The following PPP2R2C variants were observed in gnomAD, a reference collection of about 807,000 sequenced individuals.
PPP2R2C encodes the protein protein phosphatase 2 regulatory subunit Bgamma, also known as protein phosphatase 2, regulatory subunit B, gamma.
A neutral mutation model predicts 45.3 loss-of-function variants in PPP2R2C; 10 were observed. That is an observed-to-expected ratio of 0.22 (90% confidence interval 0.14 to 0.37). The LOEUF is 0.37. PPP2R2C is among the 10% of genes least tolerant of loss of function. The pLI is 1.00. For synonymous variants in PPP2R2C, 257 were observed against 245.4 expected (o/e 1.05, Z -0.44); for missense variants, 308 against 619.7 (o/e 0.50, Z 5.34).
intron 5 of PPP2R2C, among the ~76,000 whole-genome samples, chr4:6,352,238 C>T (rs1003250157): frequency 1.3e-5 from 2 of 152,036 alleles, no homozygotes; most frequent in African/African-American, 4.8e-5. Context: ...TCACTCGGGG[C>T]CCCCGGCTGG....
intron 1 of PPP2R2C, among the ~76,000 whole-genome samples, chr4:6,540,269 T>C (rs1724766610): frequency 1.3e-5 from 2 of 152,234 alleles, no homozygotes; most frequent in Admixed American, 1.3e-4. Context: ...TTTGTCTCTA[T>C]GAATTTTCTG....
intron 1 of PPP2R2C, among the ~76,000 whole-genome samples, chr4:6,420,682 C>G (rs916793887): frequency 6.6e-6 from 1 of 152,154 alleles, no homozygotes; most frequent in Non-Finnish European, 1.5e-5. Context: ...GGTCCTCCAA[C>G]TAACTCAACA....
intron 1 of PPP2R2C, among the ~76,000 whole-genome samples, chr4:6,390,077 A>C (rs1716495318): frequency 6.6e-6 from 1 of 152,188 alleles, no homozygotes; most frequent in Admixed American, 6.5e-5. Flanking sequence ...GACTCACAGC[A>C]AAAGGGTCTG....
intron 1 of PPP2R2C, among the ~76,000 whole-genome samples, chr4:6,561,906 G>C (rs1029104342): frequency 1.3e-5 from 2 of 152,186 alleles, no homozygotes; most frequent in Non-Finnish European, 2.9e-5. Flanking sequence ...ACTCACTCAC[G>C]CACTCACTAA....
Position 6,326,371 on chromosome 4 carries a change from T to C in PPP2R2C, c.1053-2778A>G, listed in dbSNP as rs932212072. 2.0e-5 allele frequency among the ~76,000 whole-genome samples: 3 copies of C among 152,118 alleles called. No individual in the cohort carries two copies. The East Asian group carries it at 5.8e-4, about 29-fold the overall frequency. On this transcript the variant is annotated intron_variant, in intron 8 of 8. Coordinates refer to ENST00000382599, the MANE Select transcript of PPP2R2C (RefSeq NM_020416.4). Reference sequence around the variant, plus strand: ...CTGGGGGAGCCTTGCCCAGGACTCCTCAGAGCAAGTGTAGGTGTGTTTGAC... The same window carrying C: ...CTGGGGGAGCCTTGCCCAGGACTCCCCAGAGCAAGTGTAGGTGTGTTTGAC...
intron 5 of PPP2R2C, among the ~76,000 whole-genome samples, chr4:6,356,558 C>T (rs368837689): frequency 6.6e-6 from 1 of 152,222 alleles, no homozygotes; most frequent in Non-Finnish European, 1.5e-5. Flanking sequence ...AGTTTCTGAA[C>T]CTCTCTGTGC....
intron 1 of PPP2R2C, among the ~76,000 whole-genome samples, chr4:6,420,744 T>C (rs987109846): frequency 6.6e-6 from 1 of 152,124 alleles, no homozygotes; most frequent in Non-Finnish European, 1.5e-5. Context: ...GAGGACTGGT[T>C]AAACATGAGA....
chr4:6,536,935 G>A (rs1277449509), intron 1 of PPP2R2C, among the ~76,000 whole-genome samples: 1 of 152,210 alleles, frequency 6.6e-6, no homozygotes, highest in Non-Finnish European at 1.5e-5. Context: ...AGGTGAGGTG[G>A]CTCACACCTG....
chr4:6,369,681 T>G (rs981647752), intron 5 of PPP2R2C, among the ~76,000 whole-genome samples: 1 of 152,282 alleles, frequency 6.6e-6, no homozygotes, highest in South Asian at 2.1e-4. Context: ...TGCACACCCA[T>G]GCCCTCAGGC....
At chr4:6,457,037 C>A (rs2108753158) in intron 1 of PPP2R2C, among the ~76,000 whole-genome samples, 1 of 152,038 alleles carries the variant, frequency 6.6e-6, no homozygotes, top group Admixed American at 6.5e-5. Context: ...GTTGAAATTC[C>A]GTCTCTACTA....
intron 2 of PPP2R2C, among the ~76,000 whole-genome samples, chr4:6,511,651 G>T (rs1317963422): frequency 2.4e-5 from 2 of 84,952 alleles, no homozygotes; most frequent in Admixed American, 1.2e-4. Flanking sequence ...GATGGTGGTG[G>T]TGATGGTGGT....
intron 2 of PPP2R2C, among the ~76,000 whole-genome samples, chr4:6,511,420 A>ATGGTGGTGGTGACGGTGG: frequency 1.2e-5 from 1 of 82,026 alleles, no homozygotes. Flanking sequence ...GGTGACAGTG[A>ATGGTGGTGGTGACGGTGG]TGGTGGTGAT....
At chr4:6,379,899 G>A (rs982928953) in intron 2 of PPP2R2C, 2 of 152,286 alleles carry the variant, frequency 1.3e-5, no homozygotes, top group Admixed American at 1.3e-4. Context: ...ATGCTCAGGA[G>A]TGAATCGGGG....
chr4:6,492,759 A>G (rs1219246854), intron 2 of PPP2R2C, among the ~76,000 whole-genome samples: 1 of 152,210 alleles, frequency 6.6e-6, no homozygotes, highest in East Asian at 1.9e-4. Flanking sequence ...GAGACACCAC[A>G]GAGAGGAGAC....
chr4:6,536,466 A>G lies in PPP2R2C; in HGVS notation c.-58-1089T>C, dbSNP rs144154817. Among the ~76,000 whole-genome samples, 615 of 152,390 alleles carry G rather than the reference A, an allele frequency of 4.0e-3. 2 individuals carry two copies. Among genetic ancestry groups the G allele is most frequent in the Middle Eastern group, 0.017 (5 of 294 alleles). On this transcript the variant is annotated intron_variant, in intron 1 of 9. Transcript: ENST00000506140. ...AAAAAGAAATAATTATTTAATCCAC[A>G]TAAGAAGAAAGGCAAGTGAAAAAAG...
At chr4:6,483,145 T>A (rs5022598) in intron 2 of PPP2R2C, among the ~76,000 whole-genome samples, 30,032 of 103,298 alleles carry the variant, frequency 0.29, 3,539 homozygotes, top group East Asian at 0.53. Context: ...ATAGATAGAT[T>A]GATTGATTGA....
chr4:6,357,358 T>C (rs780116088), intron 5 of PPP2R2C, among the ~76,000 whole-genome samples: 1 of 152,190 alleles, frequency 6.6e-6, no homozygotes, highest in East Asian at 1.9e-4. Context: ...AGTGCCAACA[T>C]TCACAGGTGT....
rs61657951 is a variant in PPP2R2C, at chr4:6,337,112, G to GTATATATATATATA, written c.791-3395_791-3382dup. On this transcript the variant is annotated intron_variant, in intron 6 of 8. Coordinates refer to ENST00000382599, the MANE Select transcript of PPP2R2C (RefSeq NM_020416.4). ...CATCTTTGTTTCTGTATGTGTGTGT[G>GTATATATATATATA]TATATATATATATATATATATATAT... Among the ~76,000 whole-genome samples, 56 of 30,092 alleles carry GTATATATATATATA rather than the reference G, an allele frequency of 1.9e-3. 7 individuals are homozygous for GTATATATATATATA. The highest frequency in any genetic ancestry group is 4.7e-3 in the East Asian group (2 of 428). The allele number at this position is 30,092 out of a possible 152,430, so 19.7% of individuals were successfully genotyped here.
At chr4:6,557,607 G>C (rs558700212) in intron 1 of PPP2R2C, among the ~76,000 whole-genome samples, 1 of 152,296 alleles carries the variant, frequency 6.6e-6, no homozygotes, top group East Asian at 1.9e-4. Flanking sequence ...AGAGAGCCCA[G>C]GATGTACCAA....
Sources: allele counts gnomAD v4.1 joint callset (sites outside exome capture counted in the v4.1 genomes callset), GRCh38; gene constraint gnomAD v4.1.1; transcripts MANE v1.5; gene names NCBI Gene and HGNC (gene_info 2026-07-23, HGNC 2026-07-21).